The following TEC variants were observed in gnomAD, a reference collection of about 807,000 sequenced individuals.
TEC encodes the protein tec protein tyrosine kinase, also known as tyrosine-protein kinase Tec.
A neutral mutation model predicts 93.0 loss-of-function variants in TEC; 72 were observed. That is an observed-to-expected ratio of 0.77 (90% CI 0.64 to 0.94). The LOEUF (loss-of-function observed/expected upper bound fraction) is 0.94. TEC is among the 40% of genes least tolerant of loss of function. The pLI is 0.00. For missense variants in TEC, 630 were observed against 757.9 expected (o/e 0.83, Z 1.98); for synonymous variants, 249 against 247.7 (o/e 1.01, Z -0.05).
chr4:48,205,838 AT>A (rs1286522316), intron 2 of TEC, among the ~76,000 whole-genome samples: 2 of 152,232 alleles, frequency 1.3e-5, no homozygotes, highest in African/African-American at 4.8e-5. Flanking sequence ...TTCAGCTCCT[AT>A]ATCCCAGAGA....
chr4:48,224,312 C>T (rs1212466758), intron 2 of TEC, among the ~76,000 whole-genome samples: 1 of 152,178 alleles, frequency 6.6e-6, no homozygotes, highest in Non-Finnish European at 1.5e-5. Flanking sequence ...AATTTACATA[C>T]TACTTCAATT....
intron 2 of TEC, among the ~76,000 whole-genome samples, chr4:48,185,131 A>G (rs55869455): frequency 0.66 from 99,880 of 152,072 alleles, 32,849 homozygotes; most frequent in Admixed American, 0.75. Context: ...ACAAATGATC[A>G]TATTTACAAT....
intron 5 of TEC, 108 bp from the exon 6 acceptor site, chr4:48,168,734 C>T: frequency 1.7e-6 from 2 of 1,176,878 alleles, no homozygotes; most frequent in Non-Finnish European, 2.5e-6. Flanking sequence ...CATAGACAAG[C>T]AGCACACTCT....
At chr4:48,196,824 T>C (rs1333329473) in intron 2 of TEC, among the ~76,000 whole-genome samples, 1 of 152,152 alleles carries the variant, frequency 6.6e-6, no homozygotes, top group Non-Finnish European at 1.5e-5. Flanking sequence ...TCCTCATGGG[T>C]CTTACAATTC....
intron 1 of TEC, among the ~76,000 whole-genome samples, chr4:48,261,970 T>A (rs1434263934): frequency 6.6e-6 from 1 of 152,092 alleles, no homozygotes; most frequent in East Asian, 1.9e-4. Flanking sequence ...AACACTATGC[T>A]AAGAAAAAAT....
chr4:48,166,435 A>G (rs1190117082), intron 7 of TEC, among the ~76,000 whole-genome samples: 1 of 152,214 alleles, frequency 6.6e-6, no homozygotes, highest in East Asian at 1.9e-4. Flanking sequence ...TCCTCCAGGT[A>G]CAAAAATATT....
chr4:48,255,943 T>G (rs1724329013), intron 1 of TEC, among the ~76,000 whole-genome samples: 1 of 152,144 alleles, frequency 6.6e-6, no homozygotes, highest in African/African-American at 2.4e-5. Flanking sequence ...CATGTATCAT[T>G]AAGGACAACT....
chr4:48,143,731 C>A (rs1411765273), intron 14 of TEC, among the ~76,000 whole-genome samples: 4 of 152,154 alleles, frequency 2.6e-5, no homozygotes, highest in African/African-American at 9.7e-5. Flanking sequence ...GACTTTAGAG[C>A]CAAACTTCCT....
chr4:48,178,656 C>T (rs1721430318), intron 2 of TEC, among the ~76,000 whole-genome samples: 1 of 152,138 alleles, frequency 6.6e-6, no homozygotes, highest in African/African-American at 2.4e-5. Context: ...CCAAGTCCCA[C>T]CATGGACAAA....
At position 48,170,250 on chromosome 4, in the gene TEC, C is replaced by A. The variant is rs1721047063; in HGVS notation, c.452G>T (p.Ser151Ile). 6.3e-7 allele frequency: 1 copy of A among 1,589,656 alleles called. No individual in the cohort carries two copies. The highest frequency in any genetic ancestry group is 8.6e-7 in the Non-Finnish European group (1 of 1,161,230). ...PGCEKYNLFE[S>I]SIRKALPPAP... ...TATGGAATAAAATGAATACTTACTG[C>A]TCTCAAAAAGATTGTATTTTTCACA... is the stretch of plus-strand genomic sequence containing the variant. Residue 151 changes from serine to isoleucine, a missense_variant and splice_region_variant, in exon 5 of 18, where the codon AGC (serine) becomes ATC (isoleucine). Physicochemically the swap from Ser to Ile is moderately radical, Grantham distance 142. Around this residue, in one of 3 missense-constraint regions of TEC, gnomAD observed 335 missense variants for 351.5 expected, o/e 0.95. Coordinates refer to ENST00000381501, the MANE Select transcript of TEC (RefSeq NM_003215.3).
chr4:48,262,972 G>A (rs1358097085), intron 1 of TEC, among the ~76,000 whole-genome samples: 1 of 152,198 alleles, frequency 6.6e-6, no homozygotes, highest in African/African-American at 2.4e-5. Context: ...TACTTTTGTG[G>A]AAACTGACTC....
At chr4:48,225,143 A>T (rs914629756) in intron 2 of TEC, among the ~76,000 whole-genome samples, 4 of 152,030 alleles carry the variant, frequency 2.6e-5, no homozygotes, top group Non-Finnish European at 5.9e-5. Flanking sequence ...ATTTGCACAG[A>T]TTACTCATGT....
At chr4:48,222,533 G>T (rs562999673) in intron 2 of TEC, among the ~76,000 whole-genome samples, 1 of 152,172 alleles carries the variant, frequency 6.6e-6, no homozygotes, top group Non-Finnish European at 1.5e-5. Flanking sequence ...TTGCTTCTGA[G>T]TGTGTCTGTG....
At chr4:48,167,142 T>C (rs1341278735) in intron 7 of TEC, among the ~76,000 whole-genome samples, 4 of 152,134 alleles carry the variant, frequency 2.6e-5, no homozygotes, top group African/African-American at 9.7e-5. Context: ...TATTTATCAA[T>C]GATAGGGTTG....
intron 2 of TEC, among the ~76,000 whole-genome samples, chr4:48,201,719 C>T (rs550163241): frequency 2.4e-4 from 36 of 152,144 alleles, no homozygotes; most frequent in African/African-American, 8.7e-4. Context: ...AGGAAGGGGA[C>T]GGGAAGCAGA....
At chr4:48,168,786 C>G (rs1720981846) in intron 5 of TEC, among the ~76,000 whole-genome samples, 160 bp from the exon 6 acceptor site, 1 of 152,194 alleles carries the variant, frequency 6.6e-6, no homozygotes, top group African/African-American at 2.4e-5. Context: ...TATTCTAGAA[C>G]AGAATTAAAA....
rs1265035864 is a variant in TEC at position 48,146,366 on chromosome 4, A to T, written c.1040T>A (p.Val347Glu). 1 of 1,613,736 alleles carries T rather than the reference A, an allele frequency of 6.2e-7. No homozygotes were observed. Among genetic ancestry groups the T allele is most frequent in the South Asian group, 1.1e-5 (1 of 91,072 alleles). The change falls in exon 12 of 18, where the codon GTG becomes GAG. Residue 347 changes from valine (V) to glutamate (E), a missense_variant. This residue lies in a region of TEC where 289 missense variants were observed against 390.0 expected (regional missense o/e 0.74). Transcript: ENST00000381501. The part of the protein sequence containing the change: ...LVTRLRYPVS[V>E]KGKNAPTTAG... ...AGTGGTGGGTGCATTCTTCCCTTTC[A>T]CACTAACTGGGTACCGAAGCCTGGT...
At chr4:48,222,915 C>CAT (rs945680729) in intron 2 of TEC, among the ~76,000 whole-genome samples, 2 of 152,068 alleles carry the variant, frequency 1.3e-5, no homozygotes, top group Non-Finnish European at 2.9e-5. Context: ...CACACATACA[C>CAT]ATATATATAC....
At chr4:48,229,749 T>C (rs1723590999) in intron 1 of TEC, among the ~76,000 whole-genome samples, 1 of 150,900 alleles carries the variant, frequency 6.6e-6, no homozygotes, top group South Asian at 2.1e-4. Context: ...CACTCCAGCC[T>C]GGGTGACAGA....
Sources: gnomAD v4.1 joint callset for allele counts (sites outside exome capture counted in the v4.1 genomes callset) on GRCh38, gnomAD v4.1.1 for gene constraint, gnomAD v4.1.1 regional missense constraint, MANE v1.5 for transcripts, NCBI Gene and HGNC (gene_info 2026-07-23, HGNC 2026-07-21) for gene names.